The following EPB41L4A variants were observed in gnomAD, a reference collection of about 807,000 sequenced individuals.
EPB41L4A encodes erythrocyte membrane protein band 4.1 like 4A.
In EPB41L4A, 100 loss-of-function variants were observed where a neutral mutation model predicts 108.6. That is an observed-to-expected ratio of 0.92 (90% confidence interval 0.78 to 1.09). The LOEUF (loss-of-function observed/expected upper bound fraction) is 1.09, where lower values mean the gene tolerates loss of function less well. Among genes scored for constraint, EPB41L4A ranks in the 50% least tolerant of loss-of-function variants. The probability of loss-of-function intolerance (pLI) is 0.00; values close to 1 mark genes in which losing one functional copy is unlikely to be tolerated. For missense variants in EPB41L4A, 1,030 were observed against 842.7 expected (o/e 1.22, Z -2.75); for synonymous variants, 319 against 289.0 (o/e 1.10, Z -1.05).
chr5:112,210,675 T>C (rs1762693779), intron 12 of EPB41L4A, among the ~76,000 whole-genome samples: 7 of 151,858 alleles, frequency 4.6e-5, no homozygotes, highest in Admixed American at 4.6e-4. Flanking sequence ...TCTGGGCCCA[T>C]GTAGGAGGTC....
intron 9 of EPB41L4A, among the ~76,000 whole-genome samples, chr5:112,246,405 A>T (rs1750226056): frequency 6.6e-6 from 1 of 152,184 alleles, no homozygotes; most frequent in Admixed American, 6.5e-5. Flanking sequence ...TGGCAGCCTG[A>T]GAGCAATAGG....
chr5:112,356,600 C>T lies in EPB41L4A; in HGVS notation c.100-49110G>A, dbSNP rs1007575296. On this transcript the variant is annotated intron_variant, in intron 1 of 22. Coordinates refer to ENST00000261486, the MANE Select transcript of EPB41L4A (RefSeq NM_022140.5). Reference sequence around the variant, plus strand: ...TCAAAAGATCAAAAATACACTTCTGCATTATTGCCCAGAGCTGTAACAACT... The same window carrying T: ...TCAAAAGATCAAAAATACACTTCTGTATTATTGCCCAGAGCTGTAACAACT... Among the ~76,000 whole-genome samples, 98 of 152,294 alleles carry T rather than the reference C, an allele frequency of 6.4e-4. 1 individual carries two copies. Among genetic ancestry groups the T allele is most frequent in the Non-Finnish European group, 1.2e-3 (84 of 68,024 alleles).
At chr5:112,147,668 A>G (rs1167427481) in intron 12 of EPB41L4A, among the ~76,000 whole-genome samples, 1 of 151,722 alleles carries the variant, frequency 6.6e-6, no homozygotes, top group East Asian at 1.9e-4. Context: ...TAGCAAATCC[A>G]TAATGAAAAT....
chr5:112,397,696 T>C (rs1028584175), intron 1 of EPB41L4A, among the ~76,000 whole-genome samples: 5 of 152,240 alleles, frequency 3.3e-5, no homozygotes, highest in Non-Finnish European at 7.3e-5. Context: ...TCTACACTCA[T>C]GGAAATCTAG....
chr5:112,226,259 G>A (rs906881247), intron 12 of EPB41L4A, among the ~76,000 whole-genome samples: 6 of 152,176 alleles, frequency 3.9e-5, no homozygotes, highest in Non-Finnish European at 8.8e-5. Context: ...GAGTAGTTCC[G>A]CTGATATTAT....
At chr5:112,234,266 T>C (rs1451582005) in intron 12 of EPB41L4A, among the ~76,000 whole-genome samples, 1 of 151,494 alleles carries the variant, frequency 6.6e-6, no homozygotes, top group Non-Finnish European at 1.5e-5. Context: ...AGTATGTGCC[T>C]ATAGTCTCAG....
intron 1 of EPB41L4A, among the ~76,000 whole-genome samples, chr5:112,319,394 T>C (rs999860589): frequency 2.0e-5 from 3 of 152,130 alleles, no homozygotes; most frequent in African/African-American, 7.2e-5. Context: ...TGCCAACTAA[T>C]AAATGTAGAA....
chr5:112,268,083 C>CA (rs1751988489), intron 4 of EPB41L4A, among the ~76,000 whole-genome samples: 1 of 152,186 alleles, frequency 6.6e-6, no homozygotes, highest in Non-Finnish European at 1.5e-5. Context: ...ACTTAAAATA[C>CA]AAAACCTTAT....
intron 12 of EPB41L4A, among the ~76,000 whole-genome samples, chr5:112,220,265 A>T (rs1747954337): frequency 6.6e-6 from 1 of 152,218 alleles, no homozygotes; most frequent in Non-Finnish European, 1.5e-5. Flanking sequence ...ATCCAAAATT[A>T]TTCTGAATGT....
chr5:112,199,645 G>C (rs950761563), intron 15 of EPB41L4A, among the ~76,000 whole-genome samples: 1 of 152,156 alleles, frequency 6.6e-6, no homozygotes, highest in African/African-American at 2.4e-5. Flanking sequence ...CATAAATTCA[G>C]GATATCAGAA....
chr5:112,199,670 T>A (rs1337700983), intron 15 of EPB41L4A, among the ~76,000 whole-genome samples: 4 of 152,152 alleles, frequency 2.6e-5, no homozygotes, highest in African/African-American at 9.7e-5. Context: ...AACTGGCAAT[T>A]GTCCCTTTCA....
intron 1 of EPB41L4A, among the ~76,000 whole-genome samples, chr5:112,357,121 T>C (rs1758406792): frequency 6.6e-6 from 1 of 152,140 alleles, no homozygotes. Context: ...GCAGATCCAA[T>C]CAGTTGAATC....
chr5:112,282,814 G>A (rs758464246), intron 2 of EPB41L4A, among the ~76,000 whole-genome samples: 6 of 152,160 alleles, frequency 3.9e-5, no homozygotes, highest in Non-Finnish European at 8.8e-5. Context: ...AAACTAGTAA[G>A]GGGCAGAAAT....
At chr5:112,155,204 C>T (rs1759605750) in intron 12 of EPB41L4A, among the ~76,000 whole-genome samples, 2 of 152,144 alleles carry the variant, frequency 1.3e-5, no homozygotes, top group South Asian at 4.1e-4. Flanking sequence ...AAAGCTAGTA[C>T]AGGCATATTC....
In EPB41L4A at chr5:112,400,254, C is replaced by T. The variant is rs201253717; in HGVS notation, c.99+18687G>A. ...TCTCATGAGAACTCACTCACTATCA[C>T]GAGAACAGCATGCGGAAAACCGCCC... On this transcript the variant is annotated intron_variant, in intron 1 of 22. Coordinates refer to ENST00000261486, the MANE Select transcript of EPB41L4A (RefSeq NM_022140.5). 5.9e-5 allele frequency among the ~76,000 whole-genome samples: 9 copies of T among 152,086 alleles called. No individual in the cohort carries two copies. The East Asian group carries it at 1.2e-3, about 20-fold the overall frequency.
exon 14 of EPB41L4A, chr5:112,142,684 A>AT (rs1172839218): frequency 2.0e-5 from 3 of 152,180 alleles, no homozygotes; most frequent in Non-Finnish European, 4.4e-5. Context: ...AGAGAATGAG[A>AT]TTTTCGGTCA....
At chr5:112,237,723 A>T (rs1281608719) in intron 11 of EPB41L4A, among the ~76,000 whole-genome samples, 1 of 152,174 alleles carries the variant, frequency 6.6e-6, no homozygotes. Flanking sequence ...CCCTCTTTTG[A>T]CAATAAACAG....
intron 12 of EPB41L4A, among the ~76,000 whole-genome samples, chr5:112,232,805 C>A (rs1343166427): frequency 1.3e-5 from 2 of 152,202 alleles, no homozygotes; most frequent in African/African-American, 2.4e-5. Context: ...AGAAGCACAT[C>A]TTCCTCATCT....
chr5:112,390,697 T>A (rs1418698505), intron 1 of EPB41L4A, among the ~76,000 whole-genome samples: 1 of 152,030 alleles, frequency 6.6e-6, no homozygotes. Flanking sequence ...AGAGCAGTGG[T>A]TCTCCCAGCA....
Sources: allele counts gnomAD v4.1 joint callset (sites outside exome capture counted in the v4.1 genomes callset), GRCh38; gene constraint gnomAD v4.1.1; transcripts MANE v1.5; gene names NCBI Gene and HGNC (gene_info 2026-07-23, HGNC 2026-07-21).